PEX14: variants seen among roughly 807,000 people sequenced by gnomAD.
The protein encoded by PEX14 is peroxisomal biogenesis factor 14.
PEX14 carries 15 observed loss-of-function variants against 49.5 expected under a neutral mutation model. That is an observed-to-expected ratio of 0.30 (90% CI 0.20 to 0.47). The LOEUF (loss-of-function observed/expected upper bound fraction) is 0.47, where lower values mean the gene tolerates loss of function less well. Ranked by LOEUF, PEX14 falls within the 20% of genes least tolerant of loss-of-function variation. The pLI is 1.00. For synonymous variants in PEX14, 210 were observed against 212.7 expected (o/e 0.99, Z 0.11); for missense variants, 398 against 494.8 (o/e 0.80, Z 1.86).
At chr1:10,493,336 A>G (rs769047973) in intron 1 of PEX14, among the ~76,000 whole-genome samples, 5 of 152,146 alleles carry the variant, frequency 3.3e-5, no homozygotes, top group Non-Finnish European at 4.4e-5. Context: ...CTGATGAGAA[A>G]GCTGACGCAG....
In PEX14 at chr1:10,629,318, G is replaced by T. The variant is rs978929350; in HGVS notation, c.678-213G>T. Among the ~76,000 whole-genome samples the T allele has an allele frequency of 6.6e-6, 1 of 152,190 alleles. No individual in the cohort carries two copies. Among genetic ancestry groups the T allele is most frequent in the Non-Finnish European group, 1.5e-5 (1 of 68,024 alleles). On this transcript the variant is annotated intron_variant, in intron 8 of 8. Coordinates refer to ENST00000356607, the MANE Select transcript of PEX14 (RefSeq NM_004565.3). This position sits in a 1 kb window ranked among gnomAD's most constrained non-coding sequence, Gnocchi z 8.5. ...GGCCCGGGGGGACCCTGGGCTGTCT[G>T]TGGGGGCACAGGACCCGCTTGGCAT... is the stretch of plus-strand genomic sequence containing the variant.
In PEX14 at chr1:10,512,958, G is replaced by A. The variant is rs765857550; in HGVS notation, c.84+17637G>A. ...GTGATCCACCCACCTTGGTCTCCCAGAATGCTGGGATTACAGGCGTAGGCC... is the reference window on the plus strand; with the variant it reads ...GTGATCCACCCACCTTGGTCTCCCAAAATGCTGGGATTACAGGCGTAGGCC... On this transcript the variant is annotated intron_variant, in intron 2 of 8. Transcript: ENST00000356607. This position sits in a 1 kb window ranked among gnomAD's most constrained non-coding sequence, Gnocchi z 4.6. Among the ~76,000 whole-genome samples the A allele has an allele frequency of 3.9e-5, 6 of 152,240 alleles. No individual in the cohort carries two copies. Among genetic ancestry groups the A allele is most frequent in the Middle Eastern group, 3.4e-3 (1 of 294 alleles).
At chr1:10,599,502 A>C in intron 4 of PEX14, 136 bp downstream of exon 4, 1 of 1,010,444 alleles carries the variant, frequency 9.9e-7, no homozygotes, top group Non-Finnish European at 1.6e-6. Flanking sequence ...GGTTTTTCCC[A>C]AGGAATGTGA....
intron 7 of PEX14, among the ~76,000 whole-genome samples, chr1:10,625,289 AC>A (rs1000505901): frequency 1.3e-5 from 2 of 151,990 alleles, no homozygotes; most frequent in African/African-American, 4.8e-5. Context: ...GCTCCAGAAC[AC>A]CCACTGGCTC....
chr1:10,612,940 C>G lies in PEX14; in HGVS notation c.299-5392C>G, dbSNP rs551477754. Among the ~76,000 whole-genome samples, 22 of 152,366 alleles carry G rather than the reference C, an allele frequency of 1.4e-4. No homozygotes were observed. The South Asian group carries it at 4.6e-3, about 32-fold the overall frequency. ...CCTCAATGGGCTGGCCCCGTTTCTA[C>G]CACTGCCTTGCCCATGCTTGGGCTG... On this transcript the variant is annotated intron_variant, in intron 4 of 8. Transcript: ENST00000356607.
At chr1:10,542,089 ATT>A (rs1553188093) in intron 3 of PEX14, among the ~76,000 whole-genome samples, 36 of 150,778 alleles carry the variant, frequency 2.4e-4, no homozygotes, top group African/African-American at 8.5e-4. Context: ...GTAAAAAAAA[ATT>A]TTTTTTACTT....
At chr1:10,488,503 A>G (rs1238918243) in intron 1 of PEX14, among the ~76,000 whole-genome samples, 1 of 149,766 alleles carries the variant, frequency 6.7e-6, no homozygotes, top group African/African-American at 2.5e-5. Flanking sequence ...TAGAAATTCT[A>G]TTTTCTTTTT....
chr1:10,483,464 GCACCAC>G (rs1641316765), intron 1 of PEX14, among the ~76,000 whole-genome samples: 1 of 152,066 alleles, frequency 6.6e-6, no homozygotes, highest in South Asian at 2.1e-4. Flanking sequence ...CTGCAGGTGT[GCACCAC>G]CATGCCTGGC....
rs373796130 is a variant in PEX14, at chr1:10,600,587, A to G, written c.298+1221A>G. ...CAAAAAATTAGCCGGGCGTGGTGGC[A>G]CACGCCTGTAATCCCAGCTCCTTAG... On this transcript the variant is annotated intron_variant, in intron 4 of 8. Coordinates refer to ENST00000356607, the MANE Select transcript of PEX14 (RefSeq NM_004565.3). Among the ~76,000 whole-genome samples the G allele has an allele frequency of 1.9e-4, 29 of 150,806 alleles. No homozygotes were observed. In the East Asian group the frequency reaches 2.6e-3, roughly 13 times the overall value.
chr1:10,523,825 TAAAAAAAA>T (rs59324356), intron 2 of PEX14, among the ~76,000 whole-genome samples: 1 of 132,370 alleles, frequency 7.6e-6, no homozygotes, highest in Non-Finnish European at 1.6e-5. Flanking sequence ...TCCTTTTAGT[TAAAAAAAA>T]AAAAAAAAAA....
At chr1:10,575,141 G>T (rs999421125) in intron 3 of PEX14, among the ~76,000 whole-genome samples, 2 of 151,432 alleles carry the variant, frequency 1.3e-5, no homozygotes, top group African/African-American at 4.8e-5. Flanking sequence ...AGGCAGATTA[G>T]AAATTCAAGT....
At chr1:10,612,479 G>A (rs1025884032) in intron 4 of PEX14, among the ~76,000 whole-genome samples, 3 of 152,176 alleles carry the variant, frequency 2.0e-5, no homozygotes, top group Admixed American at 6.5e-5. Flanking sequence ...TGGGATGTAC[G>A]TGTAAATACA....
chr1:10,590,375 G>A (rs879799993), intron 3 of PEX14, among the ~76,000 whole-genome samples: 19 of 152,208 alleles, frequency 1.2e-4, no homozygotes, highest in Admixed American at 1.1e-3. Flanking sequence ...TTGAGTGAGG[G>A]GTGGAAATAT....
At chr1:10,500,298 C>T (rs1402328719) in intron 2 of PEX14, among the ~76,000 whole-genome samples, 1 of 134,848 alleles carries the variant, frequency 7.4e-6, no homozygotes, top group African/African-American at 2.8e-5. Flanking sequence ...CCTGGCTACT[C>T]AGGTGGCAGA....
Position 10,539,211 on chromosome 1 carries a change from G to A in PEX14, c.169+2914G>A, listed in dbSNP as rs1360029119. Among the ~76,000 whole-genome samples, 2 of 152,070 alleles carry A rather than the reference G, an allele frequency of 1.3e-5. No individual in the cohort carries two copies. Among genetic ancestry groups the A allele is most frequent in the Non-Finnish European group, 2.9e-5 (2 of 68,014 alleles). ...TGGGGGTGCTGGGTGAGGGTGAGTA[G>A]GGAATGAGTGGTATAGGGATGGAAG... On this transcript the variant is annotated intron_variant, in intron 3 of 8. Transcript: ENST00000356607. The surrounding 1 kb of genome is among the most constrained non-coding windows in gnomAD (Gnocchi z 4.6).
chr1:10,491,515 C>T (rs1641472193), intron 1 of PEX14, among the ~76,000 whole-genome samples: 1 of 147,714 alleles, frequency 6.8e-6, no homozygotes, highest in Non-Finnish European at 1.5e-5. Context: ...CTATAGGATG[C>T]ACCACCACAC....
At chr1:10,510,696 T>C (rs1641867140) in intron 2 of PEX14, among the ~76,000 whole-genome samples, 1 of 152,214 alleles carries the variant, frequency 6.6e-6, no homozygotes, top group African/African-American at 2.4e-5. Flanking sequence ...AAATAGGCAC[T>C]CATACATATT....
At chr1:10,594,122 T>C (rs528842897) in intron 3 of PEX14, among the ~76,000 whole-genome samples, 1 of 152,232 alleles carries the variant, frequency 6.6e-6, no homozygotes, top group African/African-American at 2.4e-5. Context: ...CTACGACTTT[T>C]AGAGGCTCTG....
At chr1:10,590,993 T>G (rs1640646847) in intron 3 of PEX14, among the ~76,000 whole-genome samples, 1 of 152,102 alleles carries the variant, frequency 6.6e-6, no homozygotes, top group African/African-American at 2.4e-5. Flanking sequence ...ACCAAACTCT[T>G]GTGACAAGAT....
Sources: allele counts gnomAD v4.1 joint callset (sites outside exome capture counted in the v4.1 genomes callset), GRCh38; gene constraint gnomAD v4.1.1; non-coding constraint Gnocchi (gnomAD v3.1); transcripts MANE v1.5; gene names NCBI Gene and HGNC (gene_info 2026-07-23, HGNC 2026-07-21).